Variants in CELSR1 observed in about 807,000 individuals in gnomAD.
CELSR1 encodes the protein adhesion G protein-coupled receptor C1.
Under a neutral mutation model 249.1 loss-of-function variants are expected in CELSR1, and 110 were observed. That is an observed-to-expected ratio of 0.44 (90% CI 0.38 to 0.52). The LOEUF is 0.52. Ranked by LOEUF, CELSR1 falls within the 20% of genes least tolerant of loss-of-function variation. The pLI, the probability that CELSR1 is intolerant of heterozygous loss-of-function variation, is 0.00. For missense variants in CELSR1, 4,109 were observed against 4,296.4 expected (o/e 0.96, Z 1.22); for synonymous variants, 2,113 against 1,900.0 (o/e 1.11, Z -2.92).
chr22:46,457,203 A>G (rs1028281499), intron 2 of CELSR1, among the ~76,000 whole-genome samples: 1 of 151,962 alleles, frequency 6.6e-6, no homozygotes, highest in East Asian at 1.9e-4. Flanking sequence ...AAATTAACCA[A>G]GAGTGGTGGT....
rs752461042 is a variant in CELSR1, at chr22:46,535,302, G to A, written c.1869C>T (p.Ala623=). 2 of 1,611,570 alleles carry A rather than the reference G, an allele frequency of 1.2e-6. No homozygotes were observed. Among genetic ancestry groups the A allele is most frequent in the Non-Finnish European group, 1.7e-6 (2 of 1,180,004 alleles). The change falls in exon 1 of 35, where the codon GCC becomes GCT. Residue 623 remains alanine, a synonymous_variant. Transcript: ENST00000674500. ...TCTGGAAGGGGAAGTCAGGGGTGGG[G>A]GCAGGATTCTTAGGCCCAGCGCTGC... ...GGGSAGPKNP[A]PTPDFPFQIH...
At chr22:46,456,210 C>T (rs2079947160) in intron 2 of CELSR1, among the ~76,000 whole-genome samples, 1 of 152,258 alleles carries the variant, frequency 6.6e-6, no homozygotes, top group Non-Finnish European at 1.5e-5. Flanking sequence ...CACTGGCCCA[C>T]GTGCAACCCT....
intron 1 of CELSR1, among the ~76,000 whole-genome samples, chr22:46,480,331 C>T (rs1268729543): frequency 5.9e-5 from 9 of 152,184 alleles, no homozygotes; most frequent in Non-Finnish European, 1.3e-4. Context: ...CAAGATGCAG[C>T]ATGTCAAAAT....
chr22:46,498,908 G>A (rs978876149), intron 1 of CELSR1, among the ~76,000 whole-genome samples: 17 of 152,130 alleles, frequency 1.1e-4, no homozygotes, highest in African/African-American at 3.4e-4. Flanking sequence ...GGCCGGGCTC[G>A]GTGGCTCACA....
In CELSR1 at chr22:46,364,187, G is replaced by A; in HGVS notation, c.8844C>T (p.Gly2948=). The A allele has an allele frequency of 6.2e-7, 1 of 1,612,080 alleles. No homozygotes were observed. Among genetic ancestry groups the A allele is most frequent in the Non-Finnish European group, 8.5e-7 (1 of 1,179,834 alleles). ...PLTLTEQTLK[G]RLREKLADCE... is the part of the protein sequence containing the mutation. ...AGTCGGCCAGCTTCTCCCGGAGCCG[G>A]CCCTTCAGCGTCTGCTCCGTCAGCG... The change falls in exon 34 of 35, where the codon GGC becomes GGT. Residue 2948 remains glycine, a synonymous_variant. Coordinates refer to ENST00000674500, the MANE Select transcript of CELSR1 (RefSeq NM_001378328.1).
At position 46,536,433 on chromosome 22, in the gene CELSR1, C is replaced by A; in HGVS notation, c.738G>T (p.Pro246=). The A allele has an allele frequency of 1.2e-6, 2 of 1,612,238 alleles. No homozygotes were observed. Among genetic ancestry groups the A allele is most frequent in the Non-Finnish European group, 1.7e-6 (2 of 1,179,640 alleles). Residue 246 remains proline (P), a synonymous_variant, in exon 1 of 35, where the codon CCG becomes CCT. Coordinates refer to ENST00000674500, the MANE Select transcript of CELSR1 (RefSeq NM_001378328.1). ...ACAACGCCACCTGGTAGTTGGGCAT[C>A]GGAAACTTCAGGCTCCCTCTGCCGC... is the stretch of plus-strand genomic sequence containing the variant. The part of the protein sequence containing the change: ...GTSGRGSLKF[P]MPNYQVALFE...
rs1424746356 is a variant in CELSR1 at position 46,463,863 on chromosome 22, G to C, written c.4027C>G (p.Pro1343Ala). The change falls in exon 2 of 35, where the codon CCC (proline) becomes GCC (alanine). Residue 1343 changes from proline to alanine, a missense_variant. Physicochemically the swap from Pro to Ala is conservative, Grantham distance 27 (BLOSUM62 -1). Coordinates refer to ENST00000674500, the MANE Select transcript of CELSR1 (RefSeq NM_001378328.1). ...STTVLFRPIHPINGLRCRCPP... is the reference protein window; with the variant it reads ...STTVLFRPIHAINGLRCRCPP... ...CAGCGGCAGCGCAGGCCGTTGATGG[G>C]GTGGATGGGCCGGAAGAGCACGGTG... The C allele has an allele frequency of 6.2e-7, 1 of 1,612,770 alleles. No individual in the cohort carries two copies. Among genetic ancestry groups the C allele is most frequent in the Non-Finnish European group, 8.5e-7 (1 of 1,179,486 alleles).
intron 1 of CELSR1, among the ~76,000 whole-genome samples, chr22:46,467,054 T>G (rs1478263561): frequency 6.6e-6 from 1 of 152,240 alleles, no homozygotes; most frequent in Non-Finnish European, 1.5e-5. Flanking sequence ...AAGTGTTTGT[T>G]GTTTAAGCCA....
chr22:46,397,587 CG>C lies in CELSR1; in HGVS notation c.5701+86del, dbSNP rs1234574816. ...GGAACCACAGGGAGTTGGCTGGGGA[CG>C]CTAATGTCTAAACTGAGCCCCCCTC... On this transcript the variant is annotated intron_variant, in intron 12 of 34. Coordinates refer to ENST00000674500, the MANE Select transcript of CELSR1 (RefSeq NM_001378328.1). The C allele has an allele frequency of 1.2e-5, 15 of 1,242,160 alleles. No homozygotes were observed. The East Asian group carries it at 4.1e-4, about 34-fold the overall frequency. The allele number at this position is 1,242,160 out of a possible 1,614,324, so 76.9% of individuals were successfully genotyped here. A position where few individuals can be genotyped will look rare whatever the true frequency, so the allele number is the denominator to read the frequency against.
chr22:46,448,145 C>A lies in CELSR1; in HGVS notation c.4184-8734G>T, dbSNP rs1267043789. 6.6e-6 allele frequency among the ~76,000 whole-genome samples: 1 copy of A among 152,220 alleles called. No homozygotes were observed. Among genetic ancestry groups the A allele is most frequent in the Non-Finnish European group, 1.5e-5 (1 of 68,038 alleles). On this transcript the variant is annotated intron_variant, in intron 2 of 34. Transcript: ENST00000674500. This position sits in a 1 kb window ranked among gnomAD's most constrained non-coding sequence, Gnocchi z 5.7. ...TCACAGGGCTTCAGCAAACGGCTTACCTGCTGCAGGCGGGGGCTGGGTGCT... is the reference window on the plus strand; with the variant it reads ...TCACAGGGCTTCAGCAAACGGCTTAACTGCTGCAGGCGGGGGCTGGGTGCT...
chr22:46,486,271 G>A (rs998939950), intron 1 of CELSR1, among the ~76,000 whole-genome samples: 3 of 151,110 alleles, frequency 2.0e-5, no homozygotes, highest in Admixed American at 6.6e-5. Context: ...CATCAAGGCC[G>A]GGCACGCTGG....
chr22:46,426,435 C>T (rs1441754538), intron 5 of CELSR1, among the ~76,000 whole-genome samples: 3 of 152,244 alleles, frequency 2.0e-5, no homozygotes, highest in Non-Finnish European at 4.4e-5. Flanking sequence ...GGCAAGGGTT[C>T]GCCACCCGGT....
At chr22:46,467,545 G>A (rs534587316) in intron 1 of CELSR1, among the ~76,000 whole-genome samples, 3 of 152,080 alleles carry the variant, frequency 2.0e-5, no homozygotes, top group South Asian at 4.2e-4. Context: ...GGAAGGAGCC[G>A]GGCGTGGTGG....
intron 5 of CELSR1, among the ~76,000 whole-genome samples, chr22:46,415,018 C>T (rs780606544): frequency 5.9e-5 from 9 of 152,268 alleles, no homozygotes; most frequent in Admixed American, 2.6e-4. Context: ...CAGCCAGACA[C>T]GAAAGGCCAT....
intron 20 of CELSR1, 82 bp downstream of exon 20, chr22:46,384,461 C>G: frequency 6.9e-7 from 1 of 1,457,394 alleles, no homozygotes; most frequent in Non-Finnish European, 9.1e-7. Flanking sequence ...GTGCGCAGGT[C>G]CTGCGATGCC....
At chr22:46,405,200 C>T (rs1269724532) in intron 9 of CELSR1, among the ~76,000 whole-genome samples, 1 of 151,426 alleles carries the variant, frequency 6.6e-6, no homozygotes, top group Non-Finnish European at 1.5e-5. Context: ...GTGGCTCGTG[C>T]CTGTAATCCC....
In CELSR1 at chr22:46,410,021, C is replaced by T. The variant is rs541925756; in HGVS notation, c.4934-141G>A. 5.2e-5 allele frequency: 55 copies of T among 1,059,714 alleles called. No homozygotes were observed. The highest frequency in any genetic ancestry group is 5.6e-4 in the Middle Eastern group (2 of 3,592). The allele number at this position is 1,059,714 out of a possible 1,614,324, so 65.6% of individuals were successfully genotyped here. On this transcript the variant is annotated intron_variant, in intron 7 of 34. Coordinates refer to ENST00000674500, the MANE Select transcript of CELSR1 (RefSeq NM_001378328.1). This position sits in a 1 kb window ranked among gnomAD's most constrained non-coding sequence, Gnocchi z 6.8. ...GACCAGGTCTGAACGCCCCTGGCAA[C>T]GGCAGGAACATGGGAACTAAGAAGG... is the stretch of plus-strand genomic sequence containing the variant.
rs574276828 is a variant in CELSR1 at position 46,472,809 on chromosome 22, G to A, written c.3545-8464C>T. On this transcript the variant is annotated intron_variant, in intron 1 of 34. Transcript: ENST00000674500. This position sits in a 1 kb window ranked among gnomAD's most constrained non-coding sequence, Gnocchi z 7.0. Reference sequence around the variant, plus strand: ...GGGGGCTGGGGGTCCAGCAGTCCTTGGCGTTGCTTGGCTCCTAGGTGCACC... The same window carrying A: ...GGGGGCTGGGGGTCCAGCAGTCCTTAGCGTTGCTTGGCTCCTAGGTGCACC... Among the ~76,000 whole-genome samples, 56 of 152,266 alleles carry A rather than the reference G, an allele frequency of 3.7e-4. No individual in the cohort carries two copies. The highest frequency in any genetic ancestry group is 1.2e-3 in the African/African-American group (50 of 41,560).
In CELSR1 at chr22:46,391,728, G is replaced by C; in HGVS notation, c.6053C>G (p.Ala2018Gly). 6.2e-7 allele frequency: 1 copy of C among 1,612,134 alleles called. No homozygotes were observed. Among genetic ancestry groups the C allele is most frequent in the South Asian group, 1.1e-5 (1 of 90,850 alleles). ...HGSHSRTCDM[A>G]TGQCACKPGV... ...GGGCTTGCAGGCACACTGCCCGGTG[G>C]CCATGTCGCAAGTGCGGCTGTGGGA... The change falls in exon 15 of 35, where the codon GCC becomes GGC. Residue 2018 changes from alanine (A) to glycine (G), a missense_variant. Coordinates refer to ENST00000674500, the MANE Select transcript of CELSR1 (RefSeq NM_001378328.1). This position sits in a 1 kb window ranked among gnomAD's most constrained non-coding sequence, Gnocchi z 4.3.
Sources: allele counts gnomAD v4.1 joint callset (sites outside exome capture counted in the v4.1 genomes callset), GRCh38; gene constraint gnomAD v4.1.1; non-coding constraint Gnocchi (gnomAD v3.1); transcripts MANE v1.5; gene names NCBI Gene and HGNC (gene_info 2026-07-23, HGNC 2026-07-21).